Variants in C11orf71 observed in about 807,000 individuals in gnomAD.
C11orf71 encodes chromosome 11 open reading frame 71, also known as uncharacterized protein C11orf71.
For missense variants in C11orf71, 179 were observed against 167.6 expected (o/e 1.07, Z -0.38); for synonymous variants, 72 against 73.4 (o/e 0.98, Z 0.09).
At position 114,398,623 on chromosome 11, in the gene C11orf71, G is replaced by T. The variant is rs766783; in HGVS notation, c.*1337C>A. 1 of 151,934 alleles carries T rather than the reference G, an allele frequency of 6.6e-6. No individual in the cohort carries two copies. Among genetic ancestry groups the T allele is most frequent in the Non-Finnish European group, 1.5e-5 (1 of 67,962 alleles). 9.4% of individuals were successfully genotyped at this position (151,934 alleles called of 1,614,324 possible). ...TCAATAAATATCTCTATAAACAATAGAAGTCCTAGCACACTGACTTGCACA... is the reference window on the plus strand; with the variant it reads ...TCAATAAATATCTCTATAAACAATATAAGTCCTAGCACACTGACTTGCACA... On this transcript the variant is annotated 3_prime_UTR_variant, in exon 1 of 1. Transcript: ENST00000623205.
At chr11:114,392,844 C>G (rs1946083878) in intron 1 of C11orf71, among the ~76,000 whole-genome samples, 1 of 151,910 alleles carries the variant, frequency 6.6e-6, no homozygotes, top group African/African-American at 2.4e-5. Context: ...GCCACTCTAG[C>G]ATGATAAGTG....
chr11:114,394,277 C>CTTTTCTTTTCTCTTA (rs1478584273), downstream of C11orf71, among the ~76,000 whole-genome samples: 1 of 69,010 alleles, frequency 1.4e-5, no homozygotes, highest in Non-Finnish European at 2.6e-5. Context: ...CTTTTCTTTT[C>CTTTTCTTTTCTCTTA]TTTTCTTTTC....
At chr11:114,394,277 C>CTTTTCTTTTCTTTTCTTT (rs1946110255), downstream of C11orf71, among the ~76,000 whole-genome samples, 1 of 69,010 alleles carries the variant, frequency 1.4e-5, no homozygotes. Flanking sequence ...CTTTTCTTTT[C>CTTTTCTTTTCTTTTCTTT]TTTTCTTTTC....
At chr11:114,398,292 A>G (rs544582668), downstream of C11orf71, among the ~76,000 whole-genome samples, 24 of 152,324 alleles carry the variant, frequency 1.6e-4, 2 homozygotes, top group African/African-American at 5.5e-4. Flanking sequence ...ATCTGAAAAA[A>G]AATTAGTTAT....
At position 114,399,333 on chromosome 11, in the gene C11orf71, C is replaced by T. The variant is rs1414451094; in HGVS notation, c.*627G>A. The T allele has an allele frequency of 6.6e-6, 1 of 152,210 alleles. No individual in the cohort carries two copies. The allele number at this position is 152,210 out of a possible 1,614,324, so 9.4% of individuals were successfully genotyped here. A position where few individuals can be genotyped will look rare whatever the true frequency, so the allele number is the denominator to read the frequency against. On this transcript the variant is annotated 3_prime_UTR_variant, in exon 1 of 1. Transcript: ENST00000623205. The stretch of plus-strand genomic sequence containing the variant: ...GAGATTGTACAAGTAATGTTTTCAC[C>T]AGTGTATTTTAGGACAGCAGATTCA...
At chr11:114,394,277 CTT>C (rs1174811159), downstream of C11orf71, among the ~76,000 whole-genome samples, 23 of 68,982 alleles carry the variant, frequency 3.3e-4, 1 homozygote, top group African/African-American at 1.5e-3. Flanking sequence ...CTTTTCTTTT[CTT>C]TTCTTTTCTC....
In C11orf71 at chr11:114,400,502, T is replaced by G. The variant is rs1946180414; in HGVS notation, c.-171A>C. ...GCCTTGCCTTTAACGAGGGGTATCC[T>G]GGCGAGCATGCGCAGACCGTCCGCG... On this transcript the variant is annotated 5_prime_UTR_variant, in exon 1 of 1. Coordinates refer to ENST00000623205, the MANE Select transcript of C11orf71 (RefSeq NM_001271562.2). The G allele has an allele frequency of 1.6e-6, 2 of 1,278,334 alleles. No homozygotes were observed. Among genetic ancestry groups the G allele is most frequent in the Non-Finnish European group, 2.1e-6 (2 of 937,832 alleles). The allele number at this position is 1,278,334 out of a possible 1,614,324, so 79.2% of individuals were successfully genotyped here.
rs1348760140 is a variant in C11orf71, at chr11:114,400,094, C to G, written c.238G>C (p.Gly80Arg). The change falls in exon 1 of 1, where the codon GGC becomes CGC. Residue 80 changes from glycine to arginine, a missense_variant. Coordinates refer to ENST00000623205, the MANE Select transcript of C11orf71 (RefSeq NM_001271562.2). ...GGGRSPREPD[G>R]RGRSRQARFS... is the part of the protein sequence containing the mutation. ...CTGGCTTGGCGGCTCCGGCCCCGGC[C>G]ATCTGGTTCCCTTGGGCTCCGGCCG... The G allele has an allele frequency of 6.2e-7, 1 of 1,613,690 alleles. No homozygotes were observed. Among genetic ancestry groups the G allele is most frequent in the African/African-American group, 1.3e-5 (1 of 74,936 alleles).
chr11:114,392,963 C>T (rs1469009649), intron 1 of C11orf71, among the ~76,000 whole-genome samples: 2 of 152,128 alleles, frequency 1.3e-5, no homozygotes, highest in African/African-American at 4.8e-5. Context: ...TAAATCTAGC[C>T]CTCTGCTAGT....
rs767283073 is a variant in C11orf71 at position 114,400,119 on chromosome 11, G to A, written c.213C>T (p.Gly71=). 5 of 1,612,034 alleles carry A rather than the reference G, an allele frequency of 3.1e-6. No individual in the cohort carries two copies. Among genetic ancestry groups the A allele is most frequent in the South Asian group, 2.2e-5 (2 of 91,084 alleles). The change falls in exon 1 of 1, where the codon GGC becomes GGT. Residue 71 remains glycine (G), a synonymous_variant. Coordinates refer to ENST00000623205, the MANE Select transcript of C11orf71 (RefSeq NM_001271562.2). ...VRAESRRVDG[G]GRSPREPDGR... is the part of the protein sequence containing the mutation. ...CATCTGGTTCCCTTGGGCTCCGGCC[G>A]CCACCATCCACTCGACGGCTCTCGG... is the stretch of plus-strand genomic sequence containing the variant.
rs1167719544 is a variant in C11orf71 at position 114,400,184 on chromosome 11, GA to G, written c.147del (p.His50IlefsTer2). On this transcript the variant is annotated frameshift_variant, in exon 1 of 1. Transcript: ENST00000623205. LOFTEE classifies it low-confidence loss of function (END_TRUNC). ...CGCACCGCCTGCCGAGGTCCTAGAT[GA>G]ATCGCTTCAGGCCTGGAAACGAGGA... ...DGFLVSRPEA[I>X]HLGPRQAVRP... The G allele has an allele frequency of 6.2e-7, 1 of 1,613,634 alleles. No individual in the cohort carries two copies. Among genetic ancestry groups the G allele is most frequent in the East Asian group, 2.2e-5 (1 of 44,894 alleles).
chr11:114,399,905 G>T lies in C11orf71; in HGVS notation c.*55C>A. On this transcript the variant is annotated 3_prime_UTR_variant, in exon 1 of 1. Transcript: ENST00000623205. ...CACGATTGCTGCTACACCAAGAAAG[G>T]ATTTTAAAAAGGCCTGTTCACAAGC... The T allele has an allele frequency of 2.0e-6, 3 of 1,512,004 alleles. No individual in the cohort carries two copies. Among genetic ancestry groups the T allele is most frequent in the South Asian group, 2.7e-5 (2 of 75,332 alleles). 93.7% of individuals were successfully genotyped at this position (1,512,004 alleles called of 1,614,324 possible).
chr11:114,396,660 A>T (rs1397625817), downstream of C11orf71, among the ~76,000 whole-genome samples: 1 of 152,218 alleles, frequency 6.6e-6, no homozygotes, highest in East Asian at 1.9e-4. Context: ...GGCAATGAGG[A>T]AAGGACACAG....
downstream of C11orf71, among the ~76,000 whole-genome samples, chr11:114,394,219 T>TTTTC (rs1181036193): frequency 0.021 from 843 of 40,554 alleles, 2 homozygotes; most frequent in Middle Eastern, 0.036. Context: ...TTTTCTTTTC[T>TTTTC]TTTCTTTTCT....
rs1946175056 is a variant in C11orf71 at position 114,400,237 on chromosome 11, G to A, written c.95C>T (p.Ala32Val). The change falls in exon 1 of 1, where the codon GCG (alanine) becomes GTG (valine). Residue 32 changes from alanine (A) to valine (V), a missense_variant. Coordinates refer to ENST00000623205, the MANE Select transcript of C11orf71 (RefSeq NM_001271562.2). ...SHGDLRPRAS[A>V]LAMVSGDGFL... is the part of the protein sequence containing the mutation. ...GCCGTCTCCGGAGACCATCGCCAAC[G>A]CTGACGCCCGCGGTCTGAGGTCGCC... is the stretch of plus-strand genomic sequence containing the variant. 3.1e-6 allele frequency: 5 copies of A among 1,611,644 alleles called. No individual in the cohort carries two copies. The South Asian group carries it at 4.4e-5, about 14-fold the overall frequency.
At chr11:114,394,242 CTTTTCT>C (rs1245248503), downstream of C11orf71, among the ~76,000 whole-genome samples, 164 of 58,686 alleles carry the variant, frequency 2.8e-3, 5 homozygotes, top group African/African-American at 0.013. Context: ...CTTTTCTTTT[CTTTTCT>C]TTTCTTTTCT....
chr11:114,394,249 TTTCTTTTCTTTTC>T (rs1946105700), downstream of C11orf71, among the ~76,000 whole-genome samples: 1 of 61,052 alleles, frequency 1.6e-5, no homozygotes, highest in Non-Finnish European at 2.7e-5. Flanking sequence ...TTTCTTTTCT[TTTCTTTTCTTTTC>T]TTTTCTTTTC....
chr11:114,396,618 A>G (rs1946133249), downstream of C11orf71, among the ~76,000 whole-genome samples: 1 of 152,234 alleles, frequency 6.6e-6, no homozygotes, highest in African/African-American at 2.4e-5. Flanking sequence ...TTGAATTTCA[A>G]TTGGGCAGGA....
intron 1 of C11orf71, among the ~76,000 whole-genome samples, chr11:114,391,817 G>A (rs1946074939): frequency 6.6e-6 from 1 of 151,876 alleles, no homozygotes; most frequent in Admixed American, 6.6e-5. Context: ...AAAAGAATAT[G>A]TGCAATATAA....
Sources: allele counts gnomAD v4.1 joint callset (sites outside exome capture counted in the v4.1 genomes callset), GRCh38; gene constraint gnomAD v4.1.1; transcripts MANE v1.5; gene names NCBI Gene and HGNC (gene_info 2026-07-23, HGNC 2026-07-21).